C16orf96: variants seen among roughly 807,000 people sequenced by gnomAD.
C16orf96 encodes chromosome 16 open reading frame 96.
A neutral mutation model predicts 103.6 loss-of-function variants in C16orf96; 108 were observed. That is an observed-to-expected ratio of 1.04 (90% CI 0.89 to 1.22). The LOEUF is 1.22. Among genes scored for constraint, C16orf96 ranks in the 50% most tolerant of loss-of-function variants. C16orf96 has a pLI of 0.00. For synonymous variants in C16orf96, 566 were observed against 593.5 expected, an observed-to-expected ratio of 0.95 and a Z score of 0.67; for missense variants, 1,586 against 1,464.2, an observed-to-expected ratio of 1.08 and a Z score of -1.36.
At chr16:4,546,316 G>T in the C16orf96 span, among the ~76,000 whole-genome samples, 1 of 151,738 alleles carries the variant, frequency 6.6e-6, no homozygotes, top group Non-Finnish European at 1.5e-5. Context: ...CCGCTACCGC[G>T]CCCAGCTAAT....
intron 9 of C16orf96, among the ~76,000 whole-genome samples, chr16:4,591,201 A>T (rs1431066497): frequency 8.5e-5 from 13 of 152,212 alleles, no homozygotes; most frequent in Admixed American, 8.5e-4. Flanking sequence ...ATAAATAAAT[A>T]AAATTAAAAA....
chr16:4,556,463 C>G lies in C16orf96; in HGVS notation c.-27C>G. On this transcript the variant is annotated 5_prime_UTR_variant, in exon 1 of 16. Coordinates refer to ENST00000444310, the MANE Select transcript of C16orf96 (RefSeq NM_001145011.2). ...CTTGTCCTTGAGGACACCTGGAACCCCAGCCCCACTGACCCACCCTGGCAG... is the reference window on the plus strand; with the variant it reads ...CTTGTCCTTGAGGACACCTGGAACCGCAGCCCCACTGACCCACCCTGGCAG... 1 of 1,497,334 alleles carries G rather than the reference C, an allele frequency of 6.7e-7. No individual in the cohort carries two copies. Among genetic ancestry groups the G allele is most frequent in the Non-Finnish European group, 9.0e-7 (1 of 1,116,060 alleles). The allele number at this position is 1,497,334 out of a possible 1,614,324, so 92.8% of individuals were successfully genotyped here.
chr16:4,545,319 G>T, the C16orf96 span, among the ~76,000 whole-genome samples: 1 of 152,124 alleles, frequency 6.6e-6, no homozygotes, highest in African/African-American at 2.4e-5. Context: ...TGATCCTCCT[G>T]TCTCAGCCTC....
intron 7 of C16orf96, among the ~76,000 whole-genome samples, chr16:4,582,915 C>T (rs2141738425): frequency 6.6e-6 from 1 of 152,250 alleles, no homozygotes; most frequent in Non-Finnish European, 1.5e-5. Context: ...GACCGTTGTC[C>T]CAGCTTCCTG....
At chr16:4,576,686 G>A in intron 5 of C16orf96, 51 bp downstream of exon 5, 10 of 1,467,856 alleles carry the variant, frequency 6.8e-6, no homozygotes, top group Non-Finnish European at 9.2e-6. Flanking sequence ...GGCTCTCCCT[G>A]CAGCCTTTGA....
Position 4,593,420 on chromosome 16 carries a change from C to A in C16orf96, c.2867+104C>A. ...AGACACATCCTCCAGGCCCAGGGAC[C>A]TAAGATTGTCCTGGACATGGCCAGC... On this transcript the variant is annotated intron_variant, in intron 12 of 15. Coordinates refer to ENST00000444310, the MANE Select transcript of C16orf96 (RefSeq NM_001145011.2). The surrounding 1 kb of genome is among the most constrained non-coding windows in gnomAD (Gnocchi z 4.2). 1.7e-6 allele frequency: 2 copies of A among 1,146,940 alleles called. No homozygotes were observed. The highest frequency in any genetic ancestry group is 2.0e-5 in the Admixed American group (1 of 48,936). 71.0% of individuals were successfully genotyped at this position (1,146,940 alleles called of 1,614,324 possible). A position where few individuals can be genotyped will look rare whatever the true frequency, so the allele number is the denominator to read the frequency against.
intron 11 of C16orf96, among the ~76,000 whole-genome samples, chr16:4,592,876 T>C (rs1210777673): frequency 1.3e-5 from 2 of 152,044 alleles, no homozygotes; most frequent in African/African-American, 2.4e-5. Flanking sequence ...AAAAAGGCCA[T>C]GTTGGCAAGG....
chr16:4,567,643 T>G (rs1292323257), intron 1 of C16orf96, among the ~76,000 whole-genome samples: 1 of 151,462 alleles, frequency 6.6e-6, no homozygotes, highest in African/African-American at 2.4e-5. Context: ...AGTAGAATGT[T>G]TTTTAAATTT....
intron 13 of C16orf96, 67 bp from the exon 14 acceptor site, chr16:4,594,637 G>C (rs968226218): frequency 7.8e-6 from 12 of 1,541,058 alleles, no homozygotes; most frequent in Non-Finnish European, 9.7e-6. Context: ...GGGCTTCTGC[G>C]TGTACCAAAG....
chr16:4,551,997 G>C (rs909824027), upstream of C16orf96, among the ~76,000 whole-genome samples: 1 of 152,040 alleles, frequency 6.6e-6, no homozygotes. Context: ...CCACTTATGA[G>C]TGAGAATATG....
the C16orf96 span, among the ~76,000 whole-genome samples, chr16:4,546,483 A>C: frequency 7.3e-6 from 1 of 137,464 alleles, no homozygotes; most frequent in Non-Finnish European, 1.6e-5. Context: ...TTTTTTTAAG[A>C]CACAGGGTCT....
chr16:4,590,768 C>T (rs1215379964), intron 9 of C16orf96, among the ~76,000 whole-genome samples: 3 of 151,262 alleles, frequency 2.0e-5, no homozygotes, highest in Non-Finnish European at 4.4e-5. Flanking sequence ...TCTGTAATCC[C>T]AGCACTTTGG....
At chr16:4,563,518 C>T (rs903449744) in intron 1 of C16orf96, among the ~76,000 whole-genome samples, 1 of 152,130 alleles carries the variant, frequency 6.6e-6, no homozygotes, top group South Asian at 2.1e-4. Flanking sequence ...GCCCAAAGTG[C>T]TGGGATTACA....
At chr16:4,548,544 G>A in the C16orf96 span, among the ~76,000 whole-genome samples, 1 of 152,134 alleles carries the variant, frequency 6.6e-6, no homozygotes, top group African/African-American at 2.4e-5. Context: ...CCAGCCCATG[G>A]GGCTCCCAAG....
At chr16:4,541,301 T>G in the C16orf96 span, among the ~76,000 whole-genome samples, 2 of 152,234 alleles carry the variant, frequency 1.3e-5, no homozygotes, top group Non-Finnish European at 2.9e-5. Context: ...GATTTTGTGT[T>G]TGCAAATTTG....
chr16:4,540,425 G>C, the C16orf96 span, among the ~76,000 whole-genome samples: 1 of 152,098 alleles, frequency 6.6e-6, no homozygotes, highest in Non-Finnish European at 1.5e-5. Context: ...GTCATGTTGA[G>C]ATTTGTAGGT....
At chr16:4,546,367 C>T in the C16orf96 span, among the ~76,000 whole-genome samples, 1 of 151,866 alleles carries the variant, frequency 6.6e-6, no homozygotes, top group Admixed American at 6.6e-5. Flanking sequence ...ACCGTGTTAG[C>T]CAGGATGGTC....
Position 4,591,797 on chromosome 16 carries a change from C to T in C16orf96, c.2711+13C>T. 1.4e-6 allele frequency: 2 copies of T among 1,478,580 alleles called. No individual in the cohort carries two copies. Among genetic ancestry groups the T allele is most frequent in the Non-Finnish European group, 1.8e-6 (2 of 1,104,036 alleles). The allele number at this position is 1,478,580 out of a possible 1,614,324, so 91.6% of individuals were successfully genotyped here. A position where few individuals can be genotyped will look rare whatever the true frequency, so the allele number is the denominator to read the frequency against. On this transcript the variant is annotated intron_variant, in intron 10 of 15. Coordinates refer to ENST00000444310, the MANE Select transcript of C16orf96 (RefSeq NM_001145011.2). Reference sequence around the variant, plus strand: ...CTGGCTTTAGGAGGTGAGTGCCCGCCCGAGCCCCTCCTGGTAGGGGTCCTG... The same window carrying T: ...CTGGCTTTAGGAGGTGAGTGCCCGCTCGAGCCCCTCCTGGTAGGGGTCCTG...
At chr16:4,582,014 G>T (rs2059594272) in intron 7 of C16orf96, among the ~76,000 whole-genome samples, 1 of 152,058 alleles carries the variant, frequency 6.6e-6, no homozygotes, top group Admixed American at 6.6e-5. Context: ...AGGCGCGGTG[G>T]TTCACACCTG....
Sources: gnomAD v4.1 joint callset for allele counts (sites outside exome capture counted in the v4.1 genomes callset) on GRCh38, gnomAD v4.1.1 for gene constraint, Gnocchi (gnomAD v3.1) non-coding constraint, MANE v1.5 for transcripts, NCBI Gene and HGNC (gene_info 2026-07-23, HGNC 2026-07-21) for gene names.